Variants in MIPOL1 observed in about 807,000 individuals in gnomAD.
The protein encoded by MIPOL1 is mirror-image polydactyly gene 1 protein.
A neutral mutation model predicts 60.9 loss-of-function variants in MIPOL1; 57 were observed. That is an observed-to-expected ratio of 0.94 (90% CI 0.76 to 1.17). The LOEUF is 1.17. MIPOL1 is among the 50% of genes most tolerant of loss of function. The pLI is 0.00. For synonymous variants in MIPOL1, 179 were observed against 168.8 expected, an observed-to-expected ratio of 1.06 and a Z score of -0.47; for missense variants, 551 against 511.6, an observed-to-expected ratio of 1.08 and a Z score of -0.74.
intron 11 of MIPOL1, among the ~76,000 whole-genome samples, chr14:37,464,631 G>A (rs2094577279): frequency 6.6e-6 from 1 of 152,072 alleles, no homozygotes; most frequent in South Asian, 2.1e-4. Context: ...TGCCTGTTGG[G>A]TACAATGTTC....
intron 7 of MIPOL1, among the ~76,000 whole-genome samples, chr14:37,295,462 C>T (rs8009825): frequency 0.076 from 11,615 of 152,112 alleles, 1,506 homozygotes; most frequent in African/African-American, 0.27. Context: ...CAATCCTAAC[C>T]TTAAATGTAA....
intron 9 of MIPOL1, among the ~76,000 whole-genome samples, chr14:37,367,260 G>A (rs2092502799): frequency 6.6e-6 from 1 of 151,970 alleles, no homozygotes; most frequent in African/African-American, 2.4e-5. Flanking sequence ...GCATAAATAT[G>A]CAATTGTGGG....
chr14:37,359,181 C>T (rs1169309134), intron 9 of MIPOL1, among the ~76,000 whole-genome samples: 15 of 152,020 alleles, frequency 9.9e-5, no homozygotes, highest in Non-Finnish European at 5.9e-5. Context: ...CTGTTCTGTT[C>T]GATTGGTCTA....
chr14:37,408,785 G>A (rs183046756), intron 10 of MIPOL1, among the ~76,000 whole-genome samples: 1 of 152,242 alleles, frequency 6.6e-6, no homozygotes, highest in East Asian at 1.9e-4. Flanking sequence ...CGTGTGGCAG[G>A]CAGATACTGC....
At chr14:37,293,528 G>C (rs752398879) in intron 7 of MIPOL1, among the ~76,000 whole-genome samples, 1 of 152,194 alleles carries the variant, frequency 6.6e-6, no homozygotes, top group Non-Finnish European at 1.5e-5. Context: ...CACCCGGGAA[G>C]CGCAAGGGGT....
In MIPOL1 at chr14:37,328,563, A is replaced by G. The variant is rs1337777071; in HGVS notation, c.828+20044A>G. 2.0e-5 allele frequency among the ~76,000 whole-genome samples: 3 copies of G among 152,346 alleles called. No individual in the cohort carries two copies. In the South Asian group the frequency reaches 6.2e-4, roughly 32 times the overall value. On this transcript the variant is annotated intron_variant, in intron 9 of 12. Transcript: ENST00000684589. Reference sequence around the variant, plus strand: ...AATTCAAACATATAGTTTTTAAATTATTGGCTTTAACAGCCATAAAATTTC... The same window carrying G: ...AATTCAAACATATAGTTTTTAAATTGTTGGCTTTAACAGCCATAAAATTTC...
intron 3 of MIPOL1, among the ~76,000 whole-genome samples, chr14:37,260,000 C>T (rs1256693372): frequency 6.6e-6 from 1 of 151,980 alleles, no homozygotes; most frequent in Non-Finnish European, 1.5e-5. Context: ...TTTAATTTAC[C>T]TTTACATCCT....
intron 9 of MIPOL1, among the ~76,000 whole-genome samples, chr14:37,331,627 A>G (rs1208749675): frequency 3.3e-5 from 5 of 151,946 alleles, no homozygotes; most frequent in African/African-American, 9.7e-5. Flanking sequence ...TATATTCTAC[A>G]ACTTTACTGA....
rs76453954 is a variant in MIPOL1, at chr14:37,200,896, G to A, written c.-199+2792G>A. ...TGTGTGTGTGTGTGTGTGTGTGTGT[G>A]TGTATTTTTTTTTTTTTTTTTTTTG... On this transcript the variant is annotated intron_variant, in intron 1 of 12. Transcript: ENST00000684589. Among the ~76,000 whole-genome samples the A allele has an allele frequency of 3.3e-3, 147 of 45,122 alleles. 3 individuals are homozygous for A. Among genetic ancestry groups the A allele is most frequent in the African/African-American group, 0.019 (122 of 6,498 alleles). The allele number at this position is 45,122 out of a possible 152,430, so 29.6% of individuals were successfully genotyped here.
intron 10 of MIPOL1, among the ~76,000 whole-genome samples, chr14:37,418,529 G>A (rs1027031899): frequency 1.2e-4 from 19 of 152,036 alleles, no homozygotes; most frequent in Non-Finnish European, 2.6e-4. Context: ...GTTATCAAAT[G>A]ATCATTTGAT....
At chr14:37,411,578 T>A (rs1422542608) in intron 10 of MIPOL1, among the ~76,000 whole-genome samples, 1 of 152,138 alleles carries the variant, frequency 6.6e-6, no homozygotes, top group Non-Finnish European at 1.5e-5. Flanking sequence ...GTTGGTAAAC[T>A]ATGGCCTCTG....
chr14:37,295,799 T>G (rs2085602799), intron 7 of MIPOL1, among the ~76,000 whole-genome samples: 1 of 152,288 alleles, frequency 6.6e-6, no homozygotes, highest in Non-Finnish European at 1.5e-5. Flanking sequence ...CCCAGATTCA[T>G]AAAGCAAGTC....
At chr14:37,284,211 G>C (rs1437694730) in intron 6 of MIPOL1, among the ~76,000 whole-genome samples, 1 of 152,008 alleles carries the variant, frequency 6.6e-6, no homozygotes, top group African/African-American at 2.4e-5. Flanking sequence ...TACTATAACA[G>C]CACAGCATTG....
At chr14:37,345,744 T>C (rs1051711321) in intron 9 of MIPOL1, among the ~76,000 whole-genome samples, 2 of 152,212 alleles carry the variant, frequency 1.3e-5, no homozygotes, top group Non-Finnish European at 2.9e-5. Flanking sequence ...GTTTTTTGTC[T>C]GTTTCAGTGG....
Position 37,264,521 on chromosome 14 carries a change from G to A in MIPOL1, c.20-2417G>A, listed in dbSNP as rs560894272. 3.9e-5 allele frequency among the ~76,000 whole-genome samples: 6 copies of A among 151,916 alleles called. No individual in the cohort carries two copies. The East Asian group carries it at 7.8e-4, about 20-fold the overall frequency. On this transcript the variant is annotated intron_variant, in intron 3 of 12. Transcript: ENST00000684589. ...CACACAGCTGTAGTCTCAACTATTC[G>A]GGGGGCTGAGTTGGGAAAATTGCTT...
intron 1 of MIPOL1, among the ~76,000 whole-genome samples, chr14:37,234,361 C>CT (rs3061899): frequency 0.085 from 11,417 of 134,978 alleles, 700 homozygotes; most frequent in East Asian, 0.24. Context: ...CTTTTCTTTT[C>CT]TTTTTTTTTT....
chr14:37,484,829 A>C (rs1435912363), intron 11 of MIPOL1, among the ~76,000 whole-genome samples: 1 of 151,804 alleles, frequency 6.6e-6, no homozygotes, highest in African/African-American at 2.4e-5. Context: ...TTCACTTCTA[A>C]AATTTCCATT....
rs565520889 is a variant in MIPOL1, at chr14:37,215,123, G to T, written c.-199+17019G>T. On this transcript the variant is annotated intron_variant, in intron 1 of 12. Transcript: ENST00000684589. ...GTCTCTGATATGCAGAAATAATGGC[G>T]TAAGCTGTCTTCTCTCTCTCTCTCT... Among the ~76,000 whole-genome samples the T allele has an allele frequency of 2.0e-5, 3 of 152,254 alleles. No individual in the cohort carries two copies. The South Asian group carries it at 6.2e-4, about 32-fold the overall frequency.
chr14:37,293,078 C>T (rs1355165173), intron 7 of MIPOL1, among the ~76,000 whole-genome samples: 1 of 152,122 alleles, frequency 6.6e-6, no homozygotes, highest in Non-Finnish European at 1.5e-5. Context: ...TAAAACATAG[C>T]CAGCCTTGAT....
Sources: gnomAD v4.1 joint callset for allele counts (sites outside exome capture counted in the v4.1 genomes callset) on GRCh38, gnomAD v4.1.1 for gene constraint, MANE v1.5 for transcripts, NCBI Gene and HGNC (gene_info 2026-07-23, HGNC 2026-07-21) for gene names.